The following TBC1D31 variants were observed in gnomAD, a reference collection of about 807,000 sequenced individuals.
TBC1D31 encodes the protein WD repeat domain 67.
A neutral mutation model predicts 132.9 loss-of-function variants in TBC1D31; 99 were observed. The observed-to-expected ratio is 0.74, with a 90% CI of 0.63 to 0.88. TBC1D31 has a LOEUF of 0.88. TBC1D31 is among the 40% of genes least tolerant of loss of function. The probability of loss-of-function intolerance (pLI) is 0.00; values close to 1 mark genes in which losing one functional copy is unlikely to be tolerated. For synonymous variants in TBC1D31, 385 were observed against 419.4 expected (o/e 0.92, Z 1.00); for missense variants, 1,134 against 1,256.6 (o/e 0.90, Z 1.48).
Position 123,129,096 on chromosome 8 carries a change from C to T in TBC1D31, c.2148C>T (p.Val716=), listed in dbSNP as rs774827276. 14 of 1,604,406 alleles carry T rather than the reference C, an allele frequency of 8.7e-6. No individual in the cohort carries two copies. In the South Asian group the frequency reaches 1.1e-4, roughly 13 times the overall value. Residue 716 remains valine, a synonymous_variant, in exon 15 of 22, where the codon GTC becomes GTT. Transcript: ENST00000287380. ...CAGTTGAAGATATGCAAGCTAAAGTCGACCAGCAAAGAGTTGAAGATGAAG... is the reference window on the plus strand; with the variant it reads ...CAGTTGAAGATATGCAAGCTAAAGTTGACCAGCAAAGAGTTGAAGATGAAG... ...RQTVEDMQAK[V]DQQRVEDEAW...
At chr8:123,160,858 CCTT>C in the TBC1D31 span, among the ~76,000 whole-genome samples, 1 of 152,202 alleles carries the variant, frequency 6.6e-6, no homozygotes, top group African/African-American at 2.4e-5. Context: ...TTTTCCAAGA[CCTT>C]CTGAGCCTTC....
chr8:123,080,197 A>G (rs1339188382), intron 2 of TBC1D31, among the ~76,000 whole-genome samples: 1 of 152,234 alleles, frequency 6.6e-6, no homozygotes, highest in East Asian at 1.9e-4. Context: ...GTATCCAGGT[A>G]TTGCTAACTC....
rs748124853 is a variant in TBC1D31 at position 123,128,456 on chromosome 8, A to G, written c.2060A>G (p.Tyr687Cys). 1.5e-5 allele frequency: 24 copies of G among 1,613,880 alleles called. No homozygotes were observed. Among genetic ancestry groups the G allele is most frequent in the Admixed American group, 6.7e-5 (4 of 60,010 alleles). The change falls in exon 14 of 22, where the codon TAT becomes TGT. Residue 687 changes from tyrosine to cysteine, a missense_variant. Tyr to Cys is a radical substitution (Grantham distance 194). Coordinates refer to ENST00000287380, the MANE Select transcript of TBC1D31 (RefSeq NM_145647.4). ...FNQYPKFIVD[Y>C]QTQERERIRN... ...CAATATCCAAAGTTTATTGTGGACT[A>G]TCAAACACAGGAACGAGAAAGAATA...
At chr8:123,107,814 A>G (rs1023610123) in intron 8 of TBC1D31, among the ~76,000 whole-genome samples, 1 of 152,240 alleles carries the variant, frequency 6.6e-6, no homozygotes, top group Non-Finnish European at 1.5e-5. Flanking sequence ...GAACACTTCT[A>G]TGGCATGAAG....
intron 4 of TBC1D31, among the ~76,000 whole-genome samples, chr8:123,086,533 C>A (rs1453778244): frequency 6.6e-6 from 1 of 152,030 alleles, no homozygotes; most frequent in Non-Finnish European, 1.5e-5. Flanking sequence ...GCTGTCCCAC[C>A]CTTTTGGTAG....
intron 6 of TBC1D31, 89 bp downstream of exon 6, chr8:123,097,530 AC>A: frequency 2.2e-6 from 3 of 1,346,234 alleles, no homozygotes; most frequent in African/African-American, 1.5e-5. Context: ...TTTAACTTAC[AC>A]CCTGGCTGTT....
At chr8:123,149,929 G>A (rs1357488364) in intron 20 of TBC1D31, 107 bp from the exon 21 acceptor site, 2 of 680,576 alleles carry the variant, frequency 2.9e-6, no homozygotes, top group African/African-American at 1.8e-5. Context: ...AAAGAAAGGA[G>A]TTTTTAGCCA....
At chr8:123,085,701 G>C (rs1339903636) in intron 4 of TBC1D31, among the ~76,000 whole-genome samples, 1 of 152,142 alleles carries the variant, frequency 6.6e-6, no homozygotes, top group Non-Finnish European at 1.5e-5. Flanking sequence ...GAGCCACCGC[G>C]CCGGGCCCCA....
intron 20 of TBC1D31, among the ~76,000 whole-genome samples, chr8:123,149,517 C>G (rs1217476277): frequency 6.6e-6 from 1 of 152,204 alleles, no homozygotes; most frequent in Admixed American, 6.5e-5. Flanking sequence ...AGTTAGGGAA[C>G]AGTGAAAACA....
chr8:123,146,903 C>G (rs1446413180), intron 20 of TBC1D31, among the ~76,000 whole-genome samples: 1 of 151,832 alleles, frequency 6.6e-6, no homozygotes, highest in East Asian at 2.0e-4. Context: ...TCTCGAACTC[C>G]TGGCCTCGAG....
intron 11 of TBC1D31, among the ~76,000 whole-genome samples, chr8:123,122,512 T>G (rs1319019857): frequency 6.6e-6 from 1 of 152,074 alleles, no homozygotes; most frequent in Non-Finnish European, 1.5e-5. Context: ...GAAAATAAAT[T>G]AGAGGTTACA....
At chr8:123,136,905 T>C (rs1294510156) in intron 17 of TBC1D31, among the ~76,000 whole-genome samples, 1 of 152,238 alleles carries the variant, frequency 6.6e-6, no homozygotes, top group Non-Finnish European at 1.5e-5. Flanking sequence ...TCCTGAACTT[T>C]ATCTGGTCAG....
intron 16 of TBC1D31, among the ~76,000 whole-genome samples, chr8:123,133,453 T>A (rs964094465): frequency 5.3e-5 from 8 of 152,242 alleles, no homozygotes; most frequent in African/African-American, 1.9e-4. Context: ...GTATTCTCAT[T>A]TAGTGTTTCT....
chr8:123,164,666 G>C, the TBC1D31 span, among the ~76,000 whole-genome samples: 1 of 151,706 alleles, frequency 6.6e-6, no homozygotes, highest in Non-Finnish European at 1.5e-5. Context: ...AGGTTGCAGT[G>C]AGCTGAGATA....
chr8:123,076,146 C>A (rs1187402467), intron 1 of TBC1D31, among the ~76,000 whole-genome samples: 1 of 152,048 alleles, frequency 6.6e-6, no homozygotes, highest in Non-Finnish European at 1.5e-5. Context: ...GTCACCCAGG[C>A]AGGAGTGCGG....
intron 4 of TBC1D31, among the ~76,000 whole-genome samples, chr8:123,084,990 A>G (rs1029183302): frequency 6.6e-6 from 1 of 151,930 alleles, no homozygotes; most frequent in Non-Finnish European, 1.5e-5. Context: ...GGGTTTCATC[A>G]TGTTGGCCAG....
chr8:123,126,506 A>C lies in TBC1D31; in HGVS notation c.1705-2A>C, dbSNP rs1189894672. 6.2e-7 allele frequency: 1 copy of C among 1,612,064 alleles called. No homozygotes were observed. The highest frequency in any genetic ancestry group is 8.5e-7 in the Non-Finnish European group (1 of 1,179,450). On this transcript the variant is annotated splice_acceptor_variant, in intron 12 of 21. Coordinates refer to ENST00000287380, the MANE Select transcript of TBC1D31 (RefSeq NM_145647.4). LOFTEE classifies it high-confidence loss of function. ...TAATAAATTTTTCCTTATCTGTTTT[A>C]GCTATATGCATGGCCTCTTCTTGAA...
At chr8:123,163,774 A>C in the TBC1D31 span, among the ~76,000 whole-genome samples, 1 of 152,168 alleles carries the variant, frequency 6.6e-6, no homozygotes, top group Admixed American at 6.5e-5. Context: ...ATTTTGGTGC[A>C]TCCGTCACCC....
chr8:123,161,418 C>T, the TBC1D31 span, among the ~76,000 whole-genome samples: 1 of 152,366 alleles, frequency 6.6e-6, no homozygotes, highest in Non-Finnish European at 1.5e-5. Flanking sequence ...TACTTCCACT[C>T]CTAGAGCAAC....
Sources: allele counts gnomAD v4.1 joint callset (sites outside exome capture counted in the v4.1 genomes callset), GRCh38; gene constraint gnomAD v4.1.1; transcripts MANE v1.5; gene names NCBI Gene and HGNC (gene_info 2026-07-23, HGNC 2026-07-21).